Variants in PEX3 observed in about 807,000 individuals in gnomAD.
PEX3 encodes peroxisomal biogenesis factor 3, also known as peroxin-3.
PEX3 carries 30 observed loss-of-function variants against 55.8 expected under a neutral mutation model. The ratio of observed to expected loss-of-function variants is 0.54; its 90% CI spans 0.40 to 0.73. The LOEUF is 0.73. Ranked by LOEUF, PEX3 falls within the 30% of genes least tolerant of loss-of-function variation. The pLI, the probability that PEX3 is intolerant of heterozygous loss-of-function variation, is 0.00. For missense variants in PEX3, 351 were observed against 432.8 expected, an observed-to-expected ratio of 0.81 and a Z score of 1.68; for synonymous variants, 135 against 148.4, an observed-to-expected ratio of 0.91 and a Z score of 0.66.
At chr6:143,480,537 A>C (rs6935346) in intron 10 of PEX3, among the ~76,000 whole-genome samples, 2 of 151,926 alleles carry the variant, frequency 1.3e-5, no homozygotes, top group East Asian at 3.9e-4. Context: ...TCAAAAGTCA[A>C]AAACTATCTT....
At chr6:143,469,067 T>C (rs879800032) in intron 4 of PEX3, among the ~76,000 whole-genome samples, 1 of 152,162 alleles carries the variant, frequency 6.6e-6, no homozygotes, top group Non-Finnish European at 1.5e-5. Context: ...CTTAATCCAG[T>C]CTATCATTGA....
intron 8 of PEX3, among the ~76,000 whole-genome samples, chr6:143,474,216 G>C (rs530164477): frequency 2.0e-5 from 3 of 152,028 alleles, no homozygotes; most frequent in Non-Finnish European, 4.4e-5. Flanking sequence ...TTGGGAGGCC[G>C]AGGCAGGCGG....
In PEX3 at chr6:143,482,320, T is replaced by C. The variant is rs1344641537; in HGVS notation, c.942-2832T>C. On this transcript the variant is annotated intron_variant, in intron 10 of 11. Transcript: ENST00000367591. This position sits in a 1 kb window ranked among gnomAD's most constrained non-coding sequence, Gnocchi z 5.5. ...TTTCTAAGTTAAACTCATGCTATCT[T>C]TAAAAATGATATCAATTTTGAAAAG... Among the ~76,000 whole-genome samples, 2 of 152,120 alleles carry C rather than the reference T, an allele frequency of 1.3e-5. No homozygotes were observed. The highest frequency in any genetic ancestry group is 2.9e-5 in the Non-Finnish European group (2 of 68,002).
chr6:143,489,765 T>C lies in PEX3; in HGVS notation c.*539T>C, dbSNP rs1341200429. Reference sequence around the variant, plus strand: ...TTGATGGAGGACTTTTTTATTCTTATGGAAATAGTGAATTCCAACAACTAT... The same window carrying C: ...TTGATGGAGGACTTTTTTATTCTTACGGAAATAGTGAATTCCAACAACTAT... On this transcript the variant is annotated 3_prime_UTR_variant, in exon 12 of 12. Transcript: ENST00000367591. This position sits in a 1 kb window ranked among gnomAD's most constrained non-coding sequence, Gnocchi z 5.5. The C allele has an allele frequency of 2.0e-5, 3 of 152,030 alleles. No individual in the cohort carries two copies. The highest frequency in any genetic ancestry group is 4.8e-5 in the African/African-American group (2 of 41,438). The allele number at this position is 152,030 out of a possible 1,614,324, so 9.4% of individuals were successfully genotyped here.
rs1780139869 is a variant in PEX3 at position 143,475,514 on chromosome 6, A to T, written c.818+658A>T. Among the ~76,000 whole-genome samples, 1 of 152,150 alleles carries T rather than the reference A, an allele frequency of 6.6e-6. No individual in the cohort carries two copies. Among genetic ancestry groups the T allele is most frequent in the South Asian group, 2.1e-4 (1 of 4,824 alleles). The stretch of plus-strand genomic sequence containing the variant: ...ACAAAAGAAAAAAAATTAGCCAGGC[A>T]TGGTGGTGCACACCTGTGGTCCCAG... On this transcript the variant is annotated intron_variant, in intron 9 of 11. Transcript: ENST00000367591. This position sits in a 1 kb window ranked among gnomAD's most constrained non-coding sequence, Gnocchi z 4.4.
rs1272640167 is a variant in PEX3 at position 143,489,985 on chromosome 6, T to C, written c.*759T>C. ...GATTTTGAATACAGTGAAAATCTTA[T>C]TGCAATAAACTATTTTAGTAAAATA... On this transcript the variant is annotated 3_prime_UTR_variant, in exon 12 of 12. Coordinates refer to ENST00000367591, the MANE Select transcript of PEX3 (RefSeq NM_003630.3). The surrounding 1 kb of genome is among the most constrained non-coding windows in gnomAD (Gnocchi z 5.5). 6.6e-6 allele frequency: 1 copy of C among 152,204 alleles called. No individual in the cohort carries two copies. The highest frequency in any genetic ancestry group is 6.5e-5 in the Admixed American group (1 of 15,286). The allele number at this position is 152,204 out of a possible 1,614,324, so 9.4% of individuals were successfully genotyped here.
At chr6:143,470,740 T>C (rs1421503758) in intron 4 of PEX3, among the ~76,000 whole-genome samples, 1 of 152,250 alleles carries the variant, frequency 6.6e-6, no homozygotes, top group Admixed American at 6.5e-5. Context: ...TCACCTAATA[T>C]ATTTCATTGG....
chr6:143,455,359 A>ATTTTT (rs56788350), intron 1 of PEX3, among the ~76,000 whole-genome samples: 43 of 71,986 alleles, frequency 6.0e-4, no homozygotes, highest in Non-Finnish European at 7.8e-4. Context: ...CGCCCGGCTA[A>ATTTTT]TTTTTTTTTT....
chr6:143,459,070 T>G lies in PEX3; in HGVS notation c.74-15T>G, dbSNP rs1271581386. 25 of 1,554,150 alleles carry G rather than the reference T, an allele frequency of 1.6e-5. No homozygotes were observed. The highest frequency in any genetic ancestry group is 2.2e-5 in the Non-Finnish European group (25 of 1,125,882). On this transcript the variant is annotated splice_polypyrimidine_tract_variant and intron_variant, in intron 1 of 11. Coordinates refer to ENST00000367591, the MANE Select transcript of PEX3 (RefSeq NM_003630.3). This position sits in a 1 kb window ranked among gnomAD's most constrained non-coding sequence, Gnocchi z 4.2. ...TGGTACTCTAATGAATATAGTACTT[T>G]TTTAATGATTGTAGGAGTATATATT...
rs1050521644 is a variant in PEX3, at chr6:143,483,185, C to A, written c.942-1967C>A. 1.3e-5 allele frequency among the ~76,000 whole-genome samples: 2 copies of A among 152,022 alleles called. No homozygotes were observed. Among genetic ancestry groups the A allele is most frequent in the Non-Finnish European group, 2.9e-5 (2 of 67,994 alleles). On this transcript the variant is annotated intron_variant, in intron 10 of 11. Transcript: ENST00000367591. This position sits in a 1 kb window ranked among gnomAD's most constrained non-coding sequence, Gnocchi z 4.3. ...TTCACAAAAGAGCAGATGGAAATGG[C>A]CAGTTTGTTAATCTAAGATTTATTG...
intron 10 of PEX3, among the ~76,000 whole-genome samples, chr6:143,480,418 AGT>A (rs1222280936): frequency 6.6e-6 from 1 of 152,212 alleles, no homozygotes; most frequent in Admixed American, 6.5e-5. Context: ...CAGCCATGAT[AGT>A]GTTTCTTTTC....
In PEX3 at chr6:143,472,088, T is replaced by G. The variant is rs531303305; in HGVS notation, c.579-72T>G. On this transcript the variant is annotated intron_variant, in intron 7 of 11. Coordinates refer to ENST00000367591, the MANE Select transcript of PEX3 (RefSeq NM_003630.3). ...AAACAGGATTTTAGATAGTAGCCTG[T>G]TAAGAAAAGAGTGTATATAGGATGT... 3 of 1,013,546 alleles carry G rather than the reference T, an allele frequency of 3.0e-6. No homozygotes were observed. The East Asian group carries it at 7.2e-5, about 24-fold the overall frequency. The allele number at this position is 1,013,546 out of a possible 1,614,324, so 62.8% of individuals were successfully genotyped here. A position where few individuals can be genotyped will look rare whatever the true frequency, so the allele number is the denominator to read the frequency against.
rs17072621 is a variant in PEX3 at position 143,454,572 on chromosome 6, A to G, written c.73+3457A>G. ...GAGAGTAAGTGACTGATCTCACTGT[A>G]CTTTACTCTGGAAATACAAAGGAAT... is the stretch of plus-strand genomic sequence containing the variant. On this transcript the variant is annotated intron_variant, in intron 1 of 11. Coordinates refer to ENST00000367591, the MANE Select transcript of PEX3 (RefSeq NM_003630.3). The surrounding 1 kb of genome is among the most constrained non-coding windows in gnomAD (Gnocchi z 4.3). Among the ~76,000 whole-genome samples the G allele has an allele frequency of 0.016, 2,452 of 152,316 alleles. 64 individuals carry two copies. Among genetic ancestry groups the G allele is most frequent in the African/African-American group, 0.057 (2,350 of 41,556 alleles).
Position 143,462,654 on chromosome 6 carries a change from C to T in PEX3, c.206-262C>T, listed in dbSNP as rs1779938141. ...TGTTAAAATCTGAGAATAATTCTTTCTATTGTTTCTTCTGTGTGTACTTGT... is the reference window on the plus strand; with the variant it reads ...TGTTAAAATCTGAGAATAATTCTTTTTATTGTTTCTTCTGTGTGTACTTGT... On this transcript the variant is annotated intron_variant, in intron 2 of 11. Coordinates refer to ENST00000367591, the MANE Select transcript of PEX3 (RefSeq NM_003630.3). The surrounding 1 kb of genome is among the most constrained non-coding windows in gnomAD (Gnocchi z 4.1). Among the ~76,000 whole-genome samples, 1 of 152,050 alleles carries T rather than the reference C, an allele frequency of 6.6e-6. No individual in the cohort carries two copies. The highest frequency in any genetic ancestry group is 2.1e-4 in the South Asian group (1 of 4,824).
chr6:143,489,077 G>T lies in PEX3; in HGVS notation c.1039-66G>T. On this transcript the variant is annotated intron_variant, in intron 11 of 11. Coordinates refer to ENST00000367591, the MANE Select transcript of PEX3 (RefSeq NM_003630.3). This position sits in a 1 kb window ranked among gnomAD's most constrained non-coding sequence, Gnocchi z 5.5. ...TTAGAGCTGAATTCATCGCTTGATT[G>T]CAGAAATTAATTCAAATTAGCTATA... is the stretch of plus-strand genomic sequence containing the variant. 9.4e-7 allele frequency: 1 copy of T among 1,059,464 alleles called. No homozygotes were observed. Among genetic ancestry groups the T allele is most frequent in the Non-Finnish European group, 1.5e-6 (1 of 677,144 alleles). 65.6% of individuals were successfully genotyped at this position (1,059,464 alleles called of 1,614,324 possible).
In PEX3 at chr6:143,462,962, G is replaced by A. The variant is rs752850658; in HGVS notation, c.252G>A (p.Leu84=). Residue 84 remains leucine, a synonymous_variant, in exon 3 of 12, where the codon CTG becomes CTA. Transcript: ENST00000367591. The surrounding 1 kb of genome is among the most constrained non-coding windows in gnomAD (Gnocchi z 4.1). ...TGAGAGAGGCCTTAATGCAGCAACT[G>A]AATTCCGAGAGCCTCACAGCTCTGC... ...PTLREALMQQ[L]NSESLTALLK... is the part of the protein sequence containing the mutation. The A allele has an allele frequency of 1.2e-6, 2 of 1,613,842 alleles. No homozygotes were observed. The highest frequency in any genetic ancestry group is 1.1e-5 in the South Asian group (1 of 91,080).
rs1015066551 is a variant in PEX3, at chr6:143,465,285, T to TA, written c.287+2297dup. On this transcript the variant is annotated intron_variant, in intron 3 of 11. Coordinates refer to ENST00000367591, the MANE Select transcript of PEX3 (RefSeq NM_003630.3). This position sits in a 1 kb window ranked among gnomAD's most constrained non-coding sequence, Gnocchi z 4.7. Reference sequence around the variant, plus strand: ...CTTTTATGTAGATTTTGGAGTTTTTTAAAAAAAAATAGCATCAGTATTTAA... The same window carrying TA: ...CTTTTATGTAGATTTTGGAGTTTTTTAAAAAAAAAATAGCATCAGTATTTAA... 2.1e-3 allele frequency among the ~76,000 whole-genome samples: 311 copies of TA among 151,326 alleles called. 1 individual carries two copies. Among genetic ancestry groups the TA allele is most frequent in the African/African-American group, 6.9e-3 (284 of 41,366 alleles).
Position 143,464,576 on chromosome 6 carries a change from A to G in PEX3, c.287+1579A>G, listed in dbSNP as rs1177653897. On this transcript the variant is annotated intron_variant, in intron 3 of 11. Coordinates refer to ENST00000367591, the MANE Select transcript of PEX3 (RefSeq NM_003630.3). The surrounding 1 kb of genome is among the most constrained non-coding windows in gnomAD (Gnocchi z 5.8). ...ATTCTTTTTTTCTTAATCGGTACAC[A>G]GGGAGGAGAATTTCTTAAATTCTGG... Among the ~76,000 whole-genome samples the G allele has an allele frequency of 6.6e-6, 1 of 151,950 alleles. No individual in the cohort carries two copies. Among genetic ancestry groups the G allele is most frequent in the Non-Finnish European group, 1.5e-5 (1 of 67,868 alleles).
chr6:143,450,983 A>T lies in PEX3; in HGVS notation c.-60A>T. The T allele has an allele frequency of 8.0e-7, 1 of 1,250,120 alleles. No individual in the cohort carries two copies. The highest frequency in any genetic ancestry group is 1.2e-6 in the Non-Finnish European group (1 of 847,246). 77.4% of individuals were successfully genotyped at this position (1,250,120 alleles called of 1,614,324 possible). A position where few individuals can be genotyped will look rare whatever the true frequency, so the allele number is the denominator to read the frequency against. On this transcript the variant is annotated 5_prime_UTR_variant, in exon 1 of 12. Coordinates refer to ENST00000367591, the MANE Select transcript of PEX3 (RefSeq NM_003630.3). ...GTCATCTGGGCCAGGTGACGAAGAA[A>T]CAGTTTCCTGGTGAAGCAGTCCCTC...
Sources: gnomAD v4.1 joint callset for allele counts (sites outside exome capture counted in the v4.1 genomes callset) on GRCh38, gnomAD v4.1.1 for gene constraint, Gnocchi (gnomAD v3.1) non-coding constraint, MANE v1.5 for transcripts, NCBI Gene and HGNC (gene_info 2026-07-23, HGNC 2026-07-21) for gene names.